UTRN: variants seen among roughly 807,000 people sequenced by gnomAD.
UTRN encodes dystrophin-related protein 1.
In UTRN, 283 loss-of-function variants were observed where a neutral mutation model predicts 463.9. That is an observed-to-expected ratio of 0.61 (90% CI 0.55 to 0.67). The LOEUF (loss-of-function observed/expected upper bound fraction) is 0.67. Ranked by LOEUF, UTRN falls within the 30% of genes least tolerant of loss-of-function variation. The pLI, the probability that UTRN is intolerant of heterozygous loss-of-function variation, is 0.00. For missense variants in UTRN, 3,922 were observed against 4,084.3 expected (o/e 0.96, Z 1.08); for synonymous variants, 1,442 against 1,431.5 (o/e 1.01, Z -0.17).
intron 3 of UTRN, among the ~76,000 whole-genome samples, chr6:144,415,341 T>C (rs1196319571): frequency 2.0e-5 from 3 of 152,212 alleles, no homozygotes; most frequent in Non-Finnish European, 4.4e-5. Flanking sequence ...CAGCCTTGAT[T>C]TTCGCATACT....
chr6:144,310,649 G>A (rs1434100748), intron 2 of UTRN, among the ~76,000 whole-genome samples: 3 of 150,080 alleles, frequency 2.0e-5, no homozygotes, highest in African/African-American at 4.9e-5. Context: ...GGTGGGGGGC[G>A]TGCCTGTAAT....
chr6:144,514,633 T>C lies in UTRN; in HGVS notation c.5074-17T>C. ...TGATTTTTCCCATGAGATAATTTTG[T>C]GTTTTCTTATAATTAGCGTTTAGTA... On this transcript the variant is annotated splice_polypyrimidine_tract_variant and intron_variant, in intron 36 of 74. Transcript: ENST00000367545. 1 of 1,610,634 alleles carries C rather than the reference T, an allele frequency of 6.2e-7. No individual in the cohort carries two copies. Among genetic ancestry groups the C allele is most frequent in the Non-Finnish European group, 8.5e-7 (1 of 1,178,600 alleles).
At chr6:144,736,833 A>G (rs1789463835) in intron 54 of UTRN, among the ~76,000 whole-genome samples, 1 of 152,078 alleles carries the variant, frequency 6.6e-6, no homozygotes, top group Non-Finnish European at 1.5e-5. Flanking sequence ...GCTCCTCACT[A>G]CATTCTGCAG....
intron 2 of UTRN, among the ~76,000 whole-genome samples, chr6:144,395,769 A>G (rs530627106): frequency 4.1e-4 from 62 of 152,276 alleles, no homozygotes; most frequent in African/African-American, 1.4e-3. Flanking sequence ...GAACTCATTC[A>G]GAAAGTCTTC....
Position 144,319,814 on chromosome 6 carries a change from C to T in UTRN, c.79+27907C>T, listed in dbSNP as rs1392778600. 4.0e-5 allele frequency among the ~76,000 whole-genome samples: 6 copies of T among 151,734 alleles called. No individual in the cohort carries two copies. The East Asian group carries it at 7.8e-4, about 20-fold the overall frequency. ...CCACCTGCCTCACCCTCCCAAAGTG[C>T]TGGGATTATAGGCATGGGTCACCAT... On this transcript the variant is annotated intron_variant, in intron 2 of 74. Coordinates refer to ENST00000367545, the MANE Select transcript of UTRN (RefSeq NM_007124.3).
intron 51 of UTRN, among the ~76,000 whole-genome samples, chr6:144,649,149 TG>T (rs1778555858): frequency 6.6e-6 from 1 of 152,000 alleles, no homozygotes. Flanking sequence ...TGGTCCTCAG[TG>T]GGTGGATAAA....
At position 144,315,017 on chromosome 6, in the gene UTRN, G is replaced by A. The variant is rs60718038; in HGVS notation, c.79+23110G>A. On this transcript the variant is annotated intron_variant, in intron 2 of 74. Coordinates refer to ENST00000367545, the MANE Select transcript of UTRN (RefSeq NM_007124.3). ...GAAACAGGTTTCATGAGCTCGAATG[G>A]CTTACACAAGATCAAGAGGAGATGA... Among the ~76,000 whole-genome samples the A allele has an allele frequency of 2.6e-3, 395 of 151,806 alleles. 2 individuals carry two copies. The highest frequency in any genetic ancestry group is 8.8e-3 in the African/African-American group (362 of 41,338).
rs1796265180 is a variant in UTRN, at chr6:144,523,246, T to G, written c.5906+58T>G. ...AAAAATGCCTGCAAGTTCATGGGCGTGAAGAAGATCATGTGGACACTGAGA... is the reference window on the plus strand; with the variant it reads ...AAAAATGCCTGCAAGTTCATGGGCGGGAAGAAGATCATGTGGACACTGAGA... On this transcript the variant is annotated intron_variant, in intron 41 of 74. Coordinates refer to ENST00000367545, the MANE Select transcript of UTRN (RefSeq NM_007124.3). 3.8e-6 allele frequency: 5 copies of G among 1,325,618 alleles called. No individual in the cohort carries two copies. In the South Asian group the frequency reaches 8.8e-5, roughly 23 times the overall value. 82.1% of individuals were successfully genotyped at this position (1,325,618 alleles called of 1,614,324 possible).
chr6:144,369,104 A>G (rs923412970), intron 2 of UTRN, among the ~76,000 whole-genome samples: 1 of 152,234 alleles, frequency 6.6e-6, no homozygotes, highest in African/African-American at 2.4e-5. Context: ...ATATGTGAGG[A>G]CATGCATTAT....
chr6:144,447,258 A>T lies in UTRN; in HGVS notation c.1662A>T (p.Lys554Asn). ...CCGAAAAAGAAGAGGCTTTAAATAA[A>T]GTCCAGACAAGCAACTTCAAAGACC... ...WLTEKEEALN[K>N]VQTSNFKDQK... is the part of the protein sequence containing the mutation. The change falls in exon 15 of 75, where the codon AAA becomes AAT. Residue 554 changes from lysine to asparagine, a missense_variant. Coordinates refer to ENST00000367545, the MANE Select transcript of UTRN (RefSeq NM_007124.3). The T allele has an allele frequency of 1.2e-6, 2 of 1,614,024 alleles. No homozygotes were observed. The highest frequency in any genetic ancestry group is 1.7e-6 in the Non-Finnish European group (2 of 1,179,926).
chr6:144,443,437 A>G (rs147202775), intron 13 of UTRN, among the ~76,000 whole-genome samples: 260 of 152,308 alleles, frequency 1.7e-3, no homozygotes, highest in African/African-American at 6.0e-3. Flanking sequence ...CTGGAAATCT[A>G]TCTTCTGGCT....
intron 66 of UTRN, among the ~76,000 whole-genome samples, chr6:144,824,570 AT>A: frequency 2.7e-5 from 1 of 37,008 alleles, no homozygotes; most frequent in South Asian, 1.6e-3. Context: ...ATAGCATTTT[AT>A]TTATATATAT....
At position 144,715,978 on chromosome 6, in the gene UTRN, G is replaced by A. The variant is rs553409173; in HGVS notation, c.7810-14379G>A. ...TTAAATAGCCAAATGTTTAATAAAG[G>A]TAATAACTGAAATAGAAGTGTAAGC... On this transcript the variant is annotated intron_variant, in intron 53 of 74. Transcript: ENST00000367545. 3.3e-5 allele frequency among the ~76,000 whole-genome samples: 5 copies of A among 151,982 alleles called. No individual in the cohort carries two copies. The South Asian group carries it at 6.2e-4, about 19-fold the overall frequency.
At chr6:144,845,116 T>G (rs926663245) in intron 73 of UTRN, among the ~76,000 whole-genome samples, 1 of 152,244 alleles carries the variant, frequency 6.6e-6, no homozygotes, top group African/African-American at 2.4e-5. Flanking sequence ...CCTTGAATTA[T>G]GGCCTTTTAA....
chr6:144,814,572 G>T (rs1778914145), intron 65 of UTRN, among the ~76,000 whole-genome samples: 1 of 151,986 alleles, frequency 6.6e-6, no homozygotes, highest in Non-Finnish European at 1.5e-5. Context: ...AGCAACAAAA[G>T]TATCAAGACC....
intron 51 of UTRN, 76 bp from the exon 52 acceptor site, chr6:144,678,328 TGA>T: frequency 7.2e-7 from 1 of 1,394,834 alleles, no homozygotes; most frequent in East Asian, 2.3e-5. Flanking sequence ...CTATTTTGCT[TGA>T]GAGCAACTCA....
intron 23 of UTRN, among the ~76,000 whole-genome samples, chr6:144,470,556 G>T (rs1790475747): frequency 6.6e-6 from 1 of 151,398 alleles, no homozygotes; most frequent in African/African-American, 2.4e-5. Context: ...ATGACGGCCG[G>T]GAAGAGGCGC....
At chr6:144,399,945 G>C (rs1373805371) in intron 2 of UTRN, among the ~76,000 whole-genome samples, 2 of 152,174 alleles carry the variant, frequency 1.3e-5, no homozygotes, top group Non-Finnish European at 2.9e-5. Context: ...ATCTGTGTGA[G>C]CATGTCAAAA....
intron 50 of UTRN, 114 bp downstream of exon 50, chr6:144,557,425 T>A: frequency 1.0e-6 from 1 of 988,054 alleles, no homozygotes; most frequent in Non-Finnish European, 1.4e-6. Flanking sequence ...CATTTTATTA[T>A]TATGTATTTT....
Sources: allele counts gnomAD v4.1 joint callset (sites outside exome capture counted in the v4.1 genomes callset), GRCh38; gene constraint gnomAD v4.1.1; transcripts MANE v1.5; gene names NCBI Gene and HGNC (gene_info 2026-07-23, HGNC 2026-07-21).